Variants in OPRM1 observed in about 807,000 individuals in gnomAD.
The protein encoded by OPRM1 is mu-type opioid receptor.
OPRM1 carries 27 observed loss-of-function variants against 31.8 expected under a neutral mutation model. The ratio of observed to expected loss-of-function variants is 0.85; its 90% CI spans 0.63 to 1.17. OPRM1 has a LOEUF of 1.17. Among genes scored for constraint, OPRM1 ranks in the 50% most tolerant of loss-of-function variants. The pLI, the probability that OPRM1 is intolerant of heterozygous loss-of-function variation, is 0.00. For missense variants in OPRM1, 536 were observed against 511.1 expected (o/e 1.05, Z -0.47); for synonymous variants, 196 against 189.9 (o/e 1.03, Z -0.26).
intron 3 of OPRM1, among the ~76,000 whole-genome samples, chr6:154,103,042 A>G (rs897674126): frequency 6.6e-6 from 1 of 152,164 alleles, no homozygotes. Flanking sequence ...GACACTATTA[A>G]GAAAAAAATT....
At chr6:154,075,728 C>A (rs1787760664) in intron 1 of OPRM1, among the ~76,000 whole-genome samples, 1 of 152,164 alleles carries the variant, frequency 6.6e-6, no homozygotes, top group East Asian at 1.9e-4. Context: ...ATTTCGAGTG[C>A]TCCTATGCAG....
intron 3 of OPRM1, chr6:154,213,029 A>G (rs1441915848): frequency 3.4e-6 from 2 of 586,362 alleles, no homozygotes; most frequent in Admixed American, 2.8e-5. Flanking sequence ...TAAGAGGCAG[A>G]AACAAATGGC....
chr6:154,038,658 CT>C (rs1163695835), upstream of OPRM1, among the ~76,000 whole-genome samples: 8 of 152,180 alleles, frequency 5.3e-5, no homozygotes, highest in Non-Finnish European at 7.4e-5. Context: ...CTTTAGTTGA[CT>C]TTACTGGATG....
At chr6:154,024,062 G>A (rs1014354148) in intron 1 of OPRM1, among the ~76,000 whole-genome samples, 1 of 152,122 alleles carries the variant, frequency 6.6e-6, no homozygotes, top group African/African-American at 2.4e-5. Flanking sequence ...CATAGAATGA[G>A]TTTGATAGTA....
intron 1 of OPRM1, among the ~76,000 whole-genome samples, chr6:154,059,510 C>A (rs1390014855): frequency 8.5e-5 from 13 of 152,208 alleles, no homozygotes; most frequent in Admixed American, 3.9e-4. Flanking sequence ...AGTCAGGCTT[C>A]CTGGATGTGT....
chr6:154,067,989 C>A (rs78707153), intron 1 of OPRM1, among the ~76,000 whole-genome samples: 148 of 152,160 alleles, frequency 9.7e-4, no homozygotes, highest in African/African-American at 3.4e-3. Context: ...TTTACTGAGA[C>A]CTTTATTTCT....
At chr6:154,051,221 T>G (rs1163805255) in intron 1 of OPRM1, among the ~76,000 whole-genome samples, 1 of 152,154 alleles carries the variant, frequency 6.6e-6, no homozygotes, top group Non-Finnish European at 1.5e-5. Context: ...TTGGAAAAAT[T>G]TATTAAGCCA....
At chr6:154,220,941 G>A (rs1035658006) in intron 3 of OPRM1, among the ~76,000 whole-genome samples, 2 of 152,246 alleles carry the variant, frequency 1.3e-5, no homozygotes, top group African/African-American at 4.8e-5. Context: ...TGCAAGATCA[G>A]TTACATAATA....
chr6:154,109,234 G>A (rs530710776), intron 3 of OPRM1, among the ~76,000 whole-genome samples: 125 of 152,314 alleles, frequency 8.2e-4, no homozygotes, highest in African/African-American at 2.9e-3. Flanking sequence ...TTCTTCATAT[G>A]CTTAAAGCAA....
At chr6:154,155,936 T>C (rs1167555895) in intron 3 of OPRM1, 1 of 152,244 alleles carries the variant, frequency 6.6e-6, no homozygotes, top group Non-Finnish European at 1.5e-5. Context: ...ACTGGAGTGC[T>C]ACCTGAGTAA....
At chr6:154,143,283 C>T (rs1356880559) in intron 3 of OPRM1, among the ~76,000 whole-genome samples, 1 of 152,094 alleles carries the variant, frequency 6.6e-6, no homozygotes, top group Non-Finnish European at 1.5e-5. Flanking sequence ...GACTGGCATA[C>T]CTAGTCCTTC....
intron 3 of OPRM1, among the ~76,000 whole-genome samples, chr6:154,224,804 A>C (rs909693158): frequency 2.0e-4 from 31 of 152,234 alleles, no homozygotes; most frequent in Non-Finnish European, 7.3e-5. Context: ...GTGTGTTTAT[A>C]CAGAGTGAAT....
chr6:154,103,078 G>A (rs1795100919), intron 3 of OPRM1, among the ~76,000 whole-genome samples: 4 of 152,174 alleles, frequency 2.6e-5, no homozygotes. Flanking sequence ...TGAAGATATT[G>A]TTAGAGAACC....
rs201740876 is a variant in OPRM1 at position 154,118,754 on chromosome 6, C to T, written c.*33C>T. On this transcript the variant is annotated 3_prime_UTR_variant, in exon 4 of 4. Coordinates refer to ENST00000330432, the MANE Select transcript of OPRM1 (RefSeq NM_000914.5). ...TCATGCCATTCCGACCTTCACCAAGCTTAGAAGCCACCATGTATGTGGAAG... is the reference window on the plus strand; with the variant it reads ...TCATGCCATTCCGACCTTCACCAAGTTTAGAAGCCACCATGTATGTGGAAG... 1 of 1,611,772 alleles carries T rather than the reference C, an allele frequency of 6.2e-7. No homozygotes were observed.
At chr6:154,108,078 T>C (rs1273178361) in intron 3 of OPRM1, 1 of 646,074 alleles carries the variant, frequency 1.5e-6, no homozygotes, top group Admixed American at 2.4e-5. Flanking sequence ...CATGCCAGGC[T>C]TCTGGGTTCC....
rs544286014 is a variant in OPRM1 at position 154,161,931 on chromosome 6, C to A, written c.1164+70459C>A. Among the ~76,000 whole-genome samples the A allele has an allele frequency of 5.6e-4, 85 of 152,296 alleles. 1 individual carries two copies. Among genetic ancestry groups the A allele is most frequent in the African/African-American group, 2.0e-3 (82 of 41,554 alleles). On this transcript the variant is annotated intron_variant, in intron 3 of 3. Coordinates refer to the OPRM1 transcript ENST00000337049. ...TCACATCCTTTTTCTGGCAGTCTCC[C>A]AAATGACTATTTCAAAACTCTTCTC...
At chr6:154,058,033 A>G (rs1783664076) in intron 1 of OPRM1, among the ~76,000 whole-genome samples, 1 of 152,256 alleles carries the variant, frequency 6.6e-6, no homozygotes, top group Non-Finnish European at 1.5e-5. Flanking sequence ...CATTTCCACA[A>G]AAGACTTTGG....
intron 1 of OPRM1, among the ~76,000 whole-genome samples, chr6:154,023,803 T>C (rs1320695009): frequency 2.0e-5 from 3 of 152,172 alleles, no homozygotes; most frequent in Non-Finnish European, 2.9e-5. Context: ...TCAATTGATA[T>C]GATCATATGG....
chr6:154,138,932 C>A (rs1471745794), intron 3 of OPRM1, among the ~76,000 whole-genome samples: 1 of 152,180 alleles, frequency 6.6e-6, no homozygotes, highest in Non-Finnish European at 1.5e-5. Context: ...ATTGAGAAAC[C>A]AGCCCATCTG....
Sources: gnomAD v4.1 joint callset for allele counts (sites outside exome capture counted in the v4.1 genomes callset) on GRCh38, gnomAD v4.1.1 for gene constraint, MANE v1.5 for transcripts, NCBI Gene and HGNC (gene_info 2026-07-23, HGNC 2026-07-21) for gene names.